Variants in INPP4B observed in about 807,000 individuals in gnomAD.
INPP4B encodes the protein inositol polyphosphate 4-phosphatase type II.
INPP4B carries 55 observed loss-of-function variants against 122.5 expected under a neutral mutation model. That is an observed-to-expected ratio of 0.45 (90% CI 0.36 to 0.56). The LOEUF is 0.56. Ranked by LOEUF, INPP4B falls within the 20% of genes least tolerant of loss-of-function variation. The probability of loss-of-function intolerance (pLI) is 0.00; values close to 1 mark genes in which losing one functional copy is unlikely to be tolerated. For missense variants in INPP4B, 1,000 were observed against 1,097.7 expected (o/e 0.91, Z 1.26); for synonymous variants, 403 against 388.7 (o/e 1.04, Z -0.43).
chr4:142,582,319 CTGT>C (rs1735279305), intron 2 of INPP4B, among the ~76,000 whole-genome samples: 1 of 152,000 alleles, frequency 6.6e-6, no homozygotes, highest in Non-Finnish European at 1.5e-5. Flanking sequence ...TTTATTAAAG[CTGT>C]CAAGTGAAGC....
intron 2 of INPP4B, among the ~76,000 whole-genome samples, chr4:142,544,186 T>G (rs1318517525): frequency 7.0e-6 from 1 of 143,032 alleles, no homozygotes; most frequent in Non-Finnish European, 1.5e-5. Context: ...AGATCTGACT[T>G]CTTCCTGTAA....
intron 2 of INPP4B, among the ~76,000 whole-genome samples, chr4:142,707,944 C>G (rs756401656): frequency 2.6e-5 from 4 of 152,288 alleles, no homozygotes; most frequent in Non-Finnish European, 5.9e-5. Context: ...GGCCAAAATG[C>G]TGATAGTGAT....
At chr4:142,280,206 G>T (rs926158809) in intron 9 of INPP4B, among the ~76,000 whole-genome samples, 1 of 151,728 alleles carries the variant, frequency 6.6e-6, no homozygotes, top group Non-Finnish European at 1.5e-5. Flanking sequence ...TTACCCTAGA[G>T]AAATGAAAAC....
chr4:142,562,096 G>A (rs192179585), intron 2 of INPP4B, among the ~76,000 whole-genome samples: 173 of 152,220 alleles, frequency 1.1e-3, no homozygotes, highest in African/African-American at 3.9e-3. Flanking sequence ...AGGAAAGAAG[G>A]TTTTAACATA....
intron 7 of INPP4B, among the ~76,000 whole-genome samples, chr4:142,378,422 T>C (rs201340739): frequency 6.6e-6 from 1 of 152,178 alleles, no homozygotes; most frequent in Non-Finnish European, 1.5e-5. Context: ...TACAGTCTAT[T>C]GTAATAGCTC....
intron 2 of INPP4B, among the ~76,000 whole-genome samples, chr4:142,576,140 G>A (rs1327724773): frequency 6.6e-6 from 1 of 151,876 alleles, no homozygotes; most frequent in African/African-American, 2.4e-5. Context: ...AATATTTATT[G>A]AGCTTCTAAT....
intron 1 of INPP4B, among the ~76,000 whole-genome samples, chr4:142,777,597 G>C (rs1442883634): frequency 6.6e-6 from 1 of 152,150 alleles, no homozygotes; most frequent in Non-Finnish European, 1.5e-5. Context: ...GAAACTGTGA[G>C]GTAATAAACA....
intron 12 of INPP4B, among the ~76,000 whole-genome samples, chr4:142,228,117 AT>A (rs572443738): frequency 3.3e-4 from 48 of 145,708 alleles, no homozygotes; most frequent in Non-Finnish European, 6.4e-4. Context: ...CATCACAAAT[AT>A]TTTTTTATCA....
chr4:142,266,272 T>A (rs1742763428), intron 10 of INPP4B, among the ~76,000 whole-genome samples: 1 of 152,072 alleles, frequency 6.6e-6, no homozygotes, highest in Non-Finnish European at 1.5e-5. Flanking sequence ...CTCAAGAAAG[T>A]CTGCTCCAAA....
chr4:142,091,658 C>T (rs1779601877), intron 23 of INPP4B, among the ~76,000 whole-genome samples: 1 of 152,142 alleles, frequency 6.6e-6, no homozygotes, highest in East Asian at 1.9e-4. Flanking sequence ...TGGAACAGAA[C>T]AATCAAGTTG....
intron 2 of INPP4B, among the ~76,000 whole-genome samples, chr4:142,478,286 T>A (rs1580167868): frequency 6.6e-6 from 1 of 152,196 alleles, no homozygotes; most frequent in East Asian, 1.9e-4. Context: ...TACTTATTGC[T>A]CTGACTAGAA....
intron 22 of INPP4B, among the ~76,000 whole-genome samples, chr4:142,110,866 T>A (rs895367859): frequency 6.6e-6 from 1 of 152,074 alleles, no homozygotes; most frequent in Non-Finnish European, 1.5e-5. Context: ...TGCTGACTAG[T>A]CTTTGAAAAG....
intron 1 of INPP4B, among the ~76,000 whole-genome samples, chr4:142,803,235 A>T (rs2151095789): frequency 6.6e-6 from 1 of 151,994 alleles, no homozygotes; most frequent in Non-Finnish European, 1.5e-5. Flanking sequence ...TTCCTTAAAG[A>T]ACCTTATACA....
chr4:142,353,534 G>A (rs1782614846), intron 7 of INPP4B, among the ~76,000 whole-genome samples: 1 of 151,998 alleles, frequency 6.6e-6, no homozygotes, highest in Admixed American at 6.6e-5. Flanking sequence ...GTGGCAATCA[G>A]ACTAAATCTC....
intron 1 of INPP4B, among the ~76,000 whole-genome samples, chr4:142,823,923 A>T (rs540736141): frequency 6.6e-6 from 1 of 152,270 alleles, no homozygotes; most frequent in South Asian, 2.1e-4. Flanking sequence ...ATTAGCACTG[A>T]ATTACTACAC....
chr4:142,652,096 G>A (rs113296285), intron 2 of INPP4B, among the ~76,000 whole-genome samples: 3,837 of 152,064 alleles, frequency 0.025, 61 homozygotes, highest in Middle Eastern at 0.088. Flanking sequence ...AATCCATCAC[G>A]TAAACAGAAC....
chr4:142,495,067 C>A (rs910403843), intron 2 of INPP4B, among the ~76,000 whole-genome samples: 1 of 152,126 alleles, frequency 6.6e-6, no homozygotes, highest in Non-Finnish European at 1.5e-5. Flanking sequence ...AAATCTTCTA[C>A]AGGCATCTTA....
At position 142,717,907 on chromosome 4, in the gene INPP4B, CAA is replaced by C. The variant is rs33932611; in HGVS notation, c.-191+7930_-191+7931del. On this transcript the variant is annotated intron_variant, in intron 2 of 25. Coordinates refer to ENST00000262992, the MANE Select transcript of INPP4B (RefSeq NM_001101669.3). The stretch of plus-strand genomic sequence containing the variant: ...CATATAATAATAAGAAAAAAGAAAG[CAA>C]AAAAAAAAAAAAAAAAGAATTGCCC... Among the ~76,000 whole-genome samples, 186 of 58,476 alleles carry C rather than the reference CAA, an allele frequency of 3.2e-3. 1 individual carries two copies. The highest frequency in any genetic ancestry group is 6.1e-3 in the African/African-American group (126 of 20,538). 38.4% of individuals were successfully genotyped at this position (58,476 alleles called of 152,430 possible).
At chr4:142,086,031 A>G in intron 24 of INPP4B, 113 bp downstream of exon 24, 1 of 706,534 alleles carries the variant, frequency 1.4e-6, no homozygotes, top group Non-Finnish European at 2.5e-6. Context: ...GACTAATAGA[A>G]GATGACACCT....
Sources: gnomAD v4.1 joint callset for allele counts (sites outside exome capture counted in the v4.1 genomes callset) on GRCh38, gnomAD v4.1.1 for gene constraint, MANE v1.5 for transcripts, NCBI Gene and HGNC (gene_info 2026-07-23, HGNC 2026-07-21) for gene names.